Variants in ASB3 observed in about 807,000 individuals in gnomAD.
ASB3 encodes ankyrin repeat and SOCS box containing 3.
ASB3 carries 41 observed loss-of-function variants against 54.5 expected under a neutral mutation model. The ratio of observed to expected loss-of-function variants is 0.75; its 90% CI spans 0.59 to 0.98. The LOEUF (loss-of-function observed/expected upper bound fraction) is 0.98. ASB3 is among the 50% of genes least tolerant of loss of function. The probability of loss-of-function intolerance (pLI) is 0.00; values close to 1 mark genes in which losing one functional copy is unlikely to be tolerated. For synonymous variants in ASB3, 266 were observed against 221.2 expected (o/e 1.20, Z -1.80); for missense variants, 733 against 620.0 (o/e 1.18, Z -1.94).
intron 1 of ASB3, among the ~76,000 whole-genome samples, chr2:53,775,497 C>T (rs1257388938): frequency 2.6e-5 from 4 of 152,106 alleles, no homozygotes; most frequent in African/African-American, 9.7e-5. Context: ...TTTTTTGAGA[C>T]GGAGTATCGC....
Position 53,714,495 on chromosome 2 carries a change from C to T in ASB3, c.869G>A (p.Gly290Glu). 3 of 1,614,212 alleles carry T rather than the reference C, an allele frequency of 1.9e-6. No homozygotes were observed. The highest frequency in any genetic ancestry group is 2.5e-6 in the Non-Finnish European group (3 of 1,180,036). ...TATTTCTAGGCAATCTTCATGTCCC[C>T]CAAACACTGCTGAGTAAACAGGGCT... ...KVSPVYSAVF[G>E]GHEDCLEILL... The change falls in exon 7 of 10, where the codon GGG becomes GAG. Residue 290 changes from glycine (G) to glutamate (E), a missense_variant. Transcript: ENST00000263634.
intron 2 of ASB3, among the ~76,000 whole-genome samples, chr2:53,761,235 G>A (rs976339306): frequency 1.3e-5 from 2 of 152,104 alleles, no homozygotes; most frequent in Non-Finnish European, 2.9e-5. Flanking sequence ...AGTAAAGAGG[G>A]CTCACTAAAA....
At chr2:53,754,121 T>G (rs1472622784) in intron 2 of ASB3, among the ~76,000 whole-genome samples, 1 of 152,132 alleles carries the variant, frequency 6.6e-6, no homozygotes, top group East Asian at 1.9e-4. Context: ...TAGGAGCCAC[T>G]CTGAAAGGGC....
chr2:53,729,594 T>G lies in ASB3; in HGVS notation c.356-24A>C, dbSNP rs774872223. 5.0e-6 allele frequency: 8 copies of G among 1,608,100 alleles called. No homozygotes were observed. In the Admixed American group the frequency reaches 1.2e-4, roughly 23 times the overall value. On this transcript the variant is annotated intron_variant, in intron 3 of 9. Coordinates refer to ENST00000263634, the MANE Select transcript of ASB3 (RefSeq NM_016115.5). ...AGCTGTAATACAGCAGTTAGAAAAA[T>G]TAATGTCAGCAAAAAGGCATGTTTG...
chr2:53,673,160 AGT>A (rs1284836168), intron 9 of ASB3, among the ~76,000 whole-genome samples: 1 of 152,200 alleles, frequency 6.6e-6, no homozygotes, highest in Non-Finnish European at 1.5e-5. Context: ...TGTTTAATCC[AGT>A]GTGTGTTTTT....
At chr2:53,697,118 A>G (rs139923924) in intron 8 of ASB3, among the ~76,000 whole-genome samples, 186 of 152,190 alleles carry the variant, frequency 1.2e-3, no homozygotes, top group African/African-American at 4.2e-3. Flanking sequence ...GATGAAAGTG[A>G]CCTCTGGTCA....
At chr2:53,676,007 T>C (rs528611739) in intron 9 of ASB3, among the ~76,000 whole-genome samples, 1 of 152,166 alleles carries the variant, frequency 6.6e-6, no homozygotes, top group African/African-American at 2.4e-5. Context: ...ACATGGTAGG[T>C]TGCATAGCTA....
intron 5 of ASB3, among the ~76,000 whole-genome samples, chr2:53,727,345 C>T (rs1171180953): frequency 6.6e-6 from 1 of 152,134 alleles, no homozygotes; most frequent in African/African-American, 2.4e-5. Flanking sequence ...AAAAGATGTG[C>T]CCTGCTGTTT....
At chr2:53,696,531 T>C (rs1026152966) in intron 8 of ASB3, among the ~76,000 whole-genome samples, 3 of 152,150 alleles carry the variant, frequency 2.0e-5, no homozygotes, top group Admixed American at 1.3e-4. Flanking sequence ...TGTTTGATTT[T>C]TTCCCCCTGC....
intron 5 of ASB3, among the ~76,000 whole-genome samples, chr2:53,725,894 C>G (rs941492062): frequency 6.6e-6 from 1 of 151,844 alleles, no homozygotes; most frequent in Non-Finnish European, 1.5e-5. Context: ...GAAGTAAACA[C>G]TATAACTGAA....
chr2:53,696,760 C>G (rs978193054), intron 8 of ASB3, among the ~76,000 whole-genome samples: 1 of 151,492 alleles, frequency 6.6e-6, no homozygotes, highest in African/African-American at 2.4e-5. Context: ...AAATACAGTA[C>G]AACAACTATT....
In ASB3 at chr2:53,765,517, C is replaced by T. The variant is rs1420230072; in HGVS notation, c.56G>A (p.Arg19Lys). 2 of 1,614,104 alleles carry T rather than the reference C, an allele frequency of 1.2e-6. No homozygotes were observed. The highest frequency in any genetic ancestry group is 2.2e-5 in the East Asian group (1 of 44,892). ...DTCSTVGLAA[R>K]EGNVKVLRKL... is the part of the protein sequence containing the mutation. ...CCTTAAGACTTTAACATTGCCTTCC[C>T]TGGCAGCAAGTCCAACTGTAGAGCA... Residue 19 changes from arginine (R) to lysine (K), a missense_variant, in exon 2 of 10, where the codon AGG becomes AAG. By Grantham distance (26) the Arg-to-Lys change is conservative (BLOSUM62 2). Coordinates refer to ENST00000263634, the MANE Select transcript of ASB3 (RefSeq NM_016115.5).
At chr2:53,685,458 C>T (rs1668585159) in intron 9 of ASB3, among the ~76,000 whole-genome samples, 1 of 152,188 alleles carries the variant, frequency 6.6e-6, no homozygotes, top group Non-Finnish European at 1.5e-5. Context: ...TCCACCTTTC[C>T]CCCACCAGAG....
At chr2:53,691,577 G>A (rs1668912714) in intron 9 of ASB3, among the ~76,000 whole-genome samples, 1 of 152,100 alleles carries the variant, frequency 6.6e-6, no homozygotes, top group Non-Finnish European at 1.5e-5. Flanking sequence ...CTGGGTTTGA[G>A]CCCATTAGTA....
chr2:53,720,692 A>T (rs1431201181), intron 5 of ASB3, among the ~76,000 whole-genome samples: 1 of 152,156 alleles, frequency 6.6e-6, no homozygotes, highest in African/African-American at 2.4e-5. Flanking sequence ...GAAAATTAAA[A>T]AACAAATTCT....
chr2:53,693,818 C>T (rs1329316038), intron 9 of ASB3, 66 bp downstream of exon 9: 1 of 1,552,344 alleles, frequency 6.4e-7, no homozygotes, highest in African/African-American at 1.4e-5. Flanking sequence ...CTTAAAATTA[C>T]AACACAGCTA....
intron 9 of ASB3, among the ~76,000 whole-genome samples, chr2:53,677,915 T>A (rs1668166995): frequency 6.6e-6 from 1 of 152,222 alleles, no homozygotes; most frequent in Non-Finnish European, 1.5e-5. Flanking sequence ...GACTATATTT[T>A]AAATATTTTC....
intron 1 of ASB3, among the ~76,000 whole-genome samples, chr2:53,780,062 T>C (rs1297153156): frequency 1.3e-5 from 2 of 152,218 alleles, no homozygotes; most frequent in Admixed American, 6.5e-5. Context: ...TTACATATTC[T>C]TCTTGTTTCC....
Position 53,716,625 on chromosome 2 carries a change from G to T in ASB3, c.723C>A (p.Tyr241Ter). 6.2e-7 allele frequency: 1 copy of T among 1,614,168 alleles called. No homozygotes were observed. Among genetic ancestry groups the T allele is most frequent in the South Asian group, 1.1e-5 (1 of 91,082 alleles). Residue 241 changes from tyrosine (Y) to a stop codon, truncating the protein, a stop_gained, in exon 6 of 10, where the codon TAC (tyrosine) becomes TAA (stop). Coordinates refer to ENST00000263634, the MANE Select transcript of ASB3 (RefSeq NM_016115.5). LOFTEE classifies it high-confidence loss of function. ...GTAACTGCCAACTGTCCTCATTACA[G>T]TAAAGATCAGGATCTGCCCCACTGG... ...LLSSGADPDL[Y>*]CNEDSWQLPI...
Sources: allele counts gnomAD v4.1 joint callset (sites outside exome capture counted in the v4.1 genomes callset), GRCh38; gene constraint gnomAD v4.1.1; transcripts MANE v1.5; gene names NCBI Gene and HGNC (gene_info 2026-07-23, HGNC 2026-07-21).